MPND: variants seen among roughly 807,000 people sequenced by gnomAD.
MPND encodes the protein MPN domain containing.
Under a neutral mutation model 59.2 loss-of-function variants are expected in MPND, and 56 were observed. The observed-to-expected ratio is 0.95, with a 90% CI of 0.76 to 1.18. The LOEUF is 1.18. Ranked by LOEUF, MPND falls within the 50% of genes most tolerant of loss-of-function variation. The pLI, the probability that MPND is intolerant of heterozygous loss-of-function variation, is 0.00. For synonymous variants in MPND, 323 were observed against 291.9 expected (o/e 1.11, Z -1.09); for missense variants, 671 against 676.0 (o/e 0.99, Z 0.08).
At chr19:4,355,857 CTT>C (rs56331661) in intron 8 of MPND, among the ~76,000 whole-genome samples, 83,798 of 142,360 alleles carry the variant, frequency 0.59, 24,726 homozygotes, top group East Asian at 0.75. Flanking sequence ...TGCGCCCGGC[CTT>C]TTTTTTTTTT....
Position 4,343,861 on chromosome 19 carries a change from G to A in MPND, c.161G>A (p.Gly54Asp). ...GGGSSVSGGG[G>D]GGGAGAGGCG... is the part of the protein sequence containing the mutation. ...GGCAGTAGCGTCAGCGGAGGAGGCG[G>A]CGGCGGCGGGGCCGGGGCGGGGGGC... is the stretch of plus-strand genomic sequence containing the variant. Residue 54 changes from glycine to aspartate, a missense_variant, in exon 2 of 13, where the codon GGC becomes GAC. Coordinates refer to ENST00000599840, the MANE Select transcript of MPND (RefSeq NM_001300862.2). 3.3e-6 allele frequency: 4 copies of A among 1,217,184 alleles called. No individual in the cohort carries two copies. The highest frequency in any genetic ancestry group is 6.8e-5 in the East Asian group (2 of 29,216). The allele number at this position is 1,217,184 out of a possible 1,614,324, so 75.4% of individuals were successfully genotyped here. A position where few individuals can be genotyped will look rare whatever the true frequency, so the allele number is the denominator to read the frequency against.
intron 2 of MPND, 110 bp from the exon 3 acceptor site, chr19:4,345,635 G>A: frequency 1.0e-6 from 1 of 996,630 alleles, no homozygotes; most frequent in Non-Finnish European, 1.5e-6. Context: ...GGTGTTCCTG[G>A]AAGCCCTGTA....
intron 2 of MPND, among the ~76,000 whole-genome samples, chr19:4,344,903 AT>A (rs893590706): frequency 8.4e-4 from 118 of 140,216 alleles, no homozygotes; most frequent in Admixed American, 7.2e-4. Context: ...CGCCTGGCTA[AT>A]TTTTTTTTTT....
chr19:4,355,094 C>T lies in MPND; in HGVS notation c.920-3C>T. On this transcript the variant is annotated splice_polypyrimidine_tract_variant and splice_region_variant and intron_variant, in intron 7 of 12. Coordinates refer to ENST00000599840, the MANE Select transcript of MPND (RefSeq NM_001300862.2). ...ACGGGGTCACAGCTGCCCCTCCCCA[C>T]AGTGCTGACGGTGCTCAGAGCCTTC... is the stretch of plus-strand genomic sequence containing the variant. 1 of 1,613,954 alleles carries T rather than the reference C, an allele frequency of 6.2e-7. No individual in the cohort carries two copies. The highest frequency in any genetic ancestry group is 8.5e-7 in the Non-Finnish European group (1 of 1,179,990).
Position 4,347,764 on chromosome 19 carries a change from A to G in MPND, c.531+1783A>G, listed in dbSNP as rs75980609. ...CACTTAAAACCCATGAACCTGCCCG[A>G]CGCAGTGGCAAAAAAACCCTTGACC... On this transcript the variant is annotated intron_variant, in intron 3 of 12. Coordinates refer to ENST00000599840, the MANE Select transcript of MPND (RefSeq NM_001300862.2). 2,687 of 639,558 alleles carry G rather than the reference A, an allele frequency of 4.2e-3. 68 individuals carry two copies. In the African/African-American group the frequency reaches 0.046, roughly 11 times the overall value. The allele number at this position is 639,558 out of a possible 1,614,324, so 39.6% of individuals were successfully genotyped here. A position where few individuals can be genotyped will look rare whatever the true frequency, so the allele number is the denominator to read the frequency against.
chr19:4,345,805 C>T lies in MPND; in HGVS notation c.355C>T (p.Gln119Ter). Reference protein sequence around the residue: ...DGRIMWQETGQTFNSPSAWAT... With the variant: ...DGRIMWQETG The stretch of plus-strand genomic sequence containing the variant: ...AAGGATCATGTGGCAGGAGACCGGG[C>T]AGACCTTCAACTCACCCAGCGCCTG... The change falls in exon 3 of 13, where the codon CAG becomes TAG. Residue 119 changes from glutamine (Q) to a stop codon, truncating the protein, a stop_gained. Coordinates refer to ENST00000599840, the MANE Select transcript of MPND (RefSeq NM_001300862.2). LOFTEE classifies it high-confidence loss of function. 6.2e-7 allele frequency: 1 copy of T among 1,613,968 alleles called. No individual in the cohort carries two copies. Among genetic ancestry groups the T allele is most frequent in the Non-Finnish European group, 8.5e-7 (1 of 1,180,032 alleles).
At chr19:4,351,806 G>A (rs1474488770) in intron 3 of MPND, among the ~76,000 whole-genome samples, 38 of 144,938 alleles carry the variant, frequency 2.6e-4, no homozygotes, top group Non-Finnish European at 4.8e-4. Flanking sequence ...AGGTTGTAGT[G>A]AGCCGAGATC....
At chr19:4,358,710 C>T (rs924857264) in intron 11 of MPND, among the ~76,000 whole-genome samples, 9 of 152,100 alleles carry the variant, frequency 5.9e-5, no homozygotes, top group Non-Finnish European at 1.0e-4. Context: ...GCTCTTGAAC[C>T]CGGGAGGTGG....
At chr19:4,346,971 A>C (rs1972200046) in intron 3 of MPND, among the ~76,000 whole-genome samples, 1 of 151,970 alleles carries the variant, frequency 6.6e-6, no homozygotes, top group Admixed American at 6.6e-5. Context: ...CGGAGGTTGC[A>C]GTGAGCTGAG....
Position 4,359,119 on chromosome 19 carries a change from A to T in MPND, c.1327-44A>T, listed in dbSNP as rs1249452818. On this transcript the variant is annotated intron_variant, in intron 11 of 12. Coordinates refer to ENST00000599840, the MANE Select transcript of MPND (RefSeq NM_001300862.2). ...CCCAGGAGAGGCGCTGAGGTACCTC[A>T]GGCTTGGAGGGAGCCTGGGAGTCCA... is the stretch of plus-strand genomic sequence containing the variant. The T allele has an allele frequency of 2.1e-6, 3 of 1,431,178 alleles. No homozygotes were observed. In the South Asian group the frequency reaches 3.4e-5, roughly 16 times the overall value. 88.7% of individuals were successfully genotyped at this position (1,431,178 alleles called of 1,614,324 possible).
chr19:4,351,637 C>A (rs904318106), intron 3 of MPND, among the ~76,000 whole-genome samples: 1 of 149,296 alleles, frequency 6.7e-6, no homozygotes, highest in Non-Finnish European at 1.5e-5. Context: ...CCGAGATGGG[C>A]AAATCACAAG....
At position 4,347,585 on chromosome 19, in the gene MPND, T is replaced by C. The variant is rs562781546; in HGVS notation, c.531+1604T>C. On this transcript the variant is annotated intron_variant, in intron 3 of 12. Transcript: ENST00000599840. ...AACTTTTTTTTATGTACGAAGTTTA[T>C]TGCATGAAGGAGTTAACACTAGTCC... Among the ~76,000 whole-genome samples the C allele has an allele frequency of 2.6e-5, 4 of 152,222 alleles. No individual in the cohort carries two copies. In the East Asian group the frequency reaches 7.7e-4, roughly 29 times the overall value.
intron 3 of MPND, among the ~76,000 whole-genome samples, chr19:4,347,089 T>C (rs1357555016): frequency 1.3e-5 from 2 of 151,172 alleles, no homozygotes; most frequent in Non-Finnish European, 2.9e-5. Flanking sequence ...GTGGAATCTG[T>C]AGGGCAGGCA....
intron 3 of MPND, 53 bp from the exon 4 acceptor site, chr19:4,352,844 G>GGC (rs1972350701): frequency 7.6e-7 from 1 of 1,312,876 alleles, no homozygotes; most frequent in South Asian, 2.9e-5. Context: ...CAGGGAGCGG[G>GGC]GGGGCACCCA....
rs764772706 is a variant in MPND at position 4,345,938 on chromosome 19, TCCGGCTGCA to T, written c.491_499del (p.Arg164_His166del). 17 of 1,613,238 alleles carry T rather than the reference TCCGGCTGCA, an allele frequency of 1.1e-5. No individual in the cohort carries two copies. The South Asian group carries it at 1.9e-4, about 18-fold the overall frequency. On this transcript the variant is annotated inframe_deletion, in exon 3 of 13. Transcript: ENST00000599840. ...CTGGACAAGTACAAGGCCACCTGGC[TCCGGCTGCA>T]CCAGCTGCACACGCCTGCCACGGCT... is the stretch of plus-strand genomic sequence containing the variant.
intron 3 of MPND, among the ~76,000 whole-genome samples, chr19:4,351,482 A>T (rs1972314492): frequency 6.6e-6 from 1 of 152,186 alleles, no homozygotes; most frequent in African/African-American, 2.4e-5. Context: ...ATCTAGGTGT[A>T]TGCTAAATGC....
chr19:4,356,267 C>G (rs1262692735), intron 8 of MPND, among the ~76,000 whole-genome samples: 1 of 152,050 alleles, frequency 6.6e-6, no homozygotes, highest in East Asian at 1.9e-4. Flanking sequence ...GAAAGGCCAT[C>G]AGATCCAGGC....
rs1972124547 is a variant in MPND at position 4,343,840 on chromosome 19, G to A, written c.140G>A (p.Ser47Asn). The change falls in exon 2 of 13, where the codon AGT becomes AAT. Residue 47 changes from serine to asparagine, a missense_variant. Physicochemically the swap from Ser to Asn is conservative, Grantham distance 46. Coordinates refer to ENST00000599840, the MANE Select transcript of MPND (RefSeq NM_001300862.2). ...AGGGRSGGGG[S>N]SVSGGGGGGG... Reference sequence around the variant, plus strand: ...GGTGGACGCAGTGGCGGCGGCGGCAGTAGCGTCAGCGGAGGAGGCGGCGGC... The same window carrying A: ...GGTGGACGCAGTGGCGGCGGCGGCAATAGCGTCAGCGGAGGAGGCGGCGGC... The A allele has an allele frequency of 8.3e-7, 1 of 1,209,142 alleles. No individual in the cohort carries two copies. The highest frequency in any genetic ancestry group is 1.0e-6 in the Non-Finnish European group (1 of 975,300). 74.9% of individuals were successfully genotyped at this position (1,209,142 alleles called of 1,614,324 possible). A position where few individuals can be genotyped will look rare whatever the true frequency, so the allele number is the denominator to read the frequency against.
At chr19:4,351,271 T>G (rs1972309924) in intron 3 of MPND, among the ~76,000 whole-genome samples, 2 of 151,856 alleles carry the variant, frequency 1.3e-5, no homozygotes, top group Non-Finnish European at 2.9e-5. Context: ...GCCTGGCTAA[T>G]TTTTGTATTT....
Sources: allele counts gnomAD v4.1 joint callset (sites outside exome capture counted in the v4.1 genomes callset), GRCh38; gene constraint gnomAD v4.1.1; transcripts MANE v1.5; gene names NCBI Gene and HGNC (gene_info 2026-07-23, HGNC 2026-07-21).